The following ZNF318 variants were observed in gnomAD, a reference collection of about 807,000 sequenced individuals.
ZNF318 encodes endocrine regulator.
Under a neutral mutation model 124.2 loss-of-function variants are expected in ZNF318, and 51 were observed. The ratio of observed to expected loss-of-function variants is 0.41; its 90% CI spans 0.33 to 0.52. The LOEUF (loss-of-function observed/expected upper bound fraction) is 0.52. Ranked by LOEUF, ZNF318 falls within the 20% of genes least tolerant of loss-of-function variation. The pLI is 0.23. For missense variants in ZNF318, 2,815 were observed against 2,811.2 expected (o/e 1.00, Z -0.03); for synonymous variants, 1,090 against 1,040.7 (o/e 1.05, Z -0.91).
chr6:43,339,079 C>T lies in ZNF318; in HGVS notation c.4919G>A (p.Ser1640Asn), dbSNP rs182370823. 2.5e-4 allele frequency: 398 copies of T among 1,614,190 alleles called. 6 individuals are homozygous for T. The Admixed American group carries it at 6.2e-3, about 25-fold the overall frequency. Residue 1640 changes from serine (S) to asparagine (N), a missense_variant, in exon 10 of 10, where the codon AGC becomes AAC. Ser to Asn is a conservative substitution (Grantham distance 46, BLOSUM62 1). Coordinates refer to ENST00000361428, the MANE Select transcript of ZNF318 (RefSeq NM_014345.3). The surrounding 1 kb of genome is among the most constrained non-coding windows in gnomAD (Gnocchi z 4.2). ...TTTTGCAATGGGCTTTTCAGAGTTG[C>T]TAACTATAGGAGCAGCGACCAAACC... Reference protein sequence around the residue: ...DEGLVAAPIVSNSEKPIAKTL... With the variant: ...DEGLVAAPIVNNSEKPIAKTL...
Position 43,357,307 on chromosome 6 carries a change from C to A in ZNF318, c.1007G>T (p.Ser336Ile). Residue 336 changes from serine to isoleucine, a missense_variant, in exon 3 of 10, where the codon AGT becomes ATT. Coordinates refer to ENST00000361428, the MANE Select transcript of ZNF318 (RefSeq NM_014345.3). ...EEEEERSRSLSQELVGVDGGG... is the reference protein window; with the variant it reads ...EEEEERSRSLIQELVGVDGGG... ...ACCATCAACTCCAACCAGCTCCTGA[C>A]TCAAGCTCCTACTTCGCTCCTCCTC... 3 of 1,614,210 alleles carry A rather than the reference C, an allele frequency of 1.9e-6. No homozygotes were observed. The highest frequency in any genetic ancestry group is 2.5e-6 in the Non-Finnish European group (3 of 1,180,020).
Position 43,338,666 on chromosome 6 carries a change from T to C in ZNF318, c.5332A>G (p.Asn1778Asp), listed in dbSNP as rs1487181193. The change falls in exon 10 of 10, where the codon AAC (asparagine) becomes GAC (aspartate). Residue 1778 changes from asparagine to aspartate, a missense_variant. Asn to Asp is a conservative substitution (Grantham distance 23, BLOSUM62 1). Coordinates refer to ENST00000361428, the MANE Select transcript of ZNF318 (RefSeq NM_014345.3). ...EDCRESEIET[N>D]TELKERVKEL... ...TTTACCCTTTCTTTTAGTTCAGTGT[T>C]TGTCTCTATCTCACTTTCTCTACAA... 6.2e-7 allele frequency: 1 copy of C among 1,614,076 alleles called. No individual in the cohort carries two copies. The highest frequency in any genetic ancestry group is 8.5e-7 in the Non-Finnish European group (1 of 1,180,040).
chr6:43,369,136 C>T lies in ZNF318; in HGVS notation c.230G>A (p.Arg77His). 8.1e-7 allele frequency: 1 copy of T among 1,228,486 alleles called. No homozygotes were observed. The highest frequency in any genetic ancestry group is 1.0e-6 in the Non-Finnish European group (1 of 985,874). The allele number at this position is 1,228,486 out of a possible 1,614,324, so 76.1% of individuals were successfully genotyped here. Residue 77 changes from arginine (R) to histidine (H), a missense_variant, in exon 1 of 10, where the codon CGC becomes CAC. Arg to His is a conservative substitution (Grantham distance 29). Coordinates refer to ENST00000361428, the MANE Select transcript of ZNF318 (RefSeq NM_014345.3). ...RASPSPPRGRRVSPSPPRARR... is the reference protein window; with the variant it reads ...RASPSPPRGRHVSPSPPRARR... ...GGCCCGAGGCGGGGACGGGGAGACGCGACGACCCCGTGGCGGGGACGGCGA... is the reference window on the plus strand; with the variant it reads ...GGCCCGAGGCGGGGACGGGGAGACGTGACGACCCCGTGGCGGGGACGGCGA...
intron 6 of ZNF318, among the ~76,000 whole-genome samples, chr6:43,343,966 C>A (rs1042925390): frequency 2.0e-4 from 31 of 151,834 alleles, no homozygotes; most frequent in African/African-American, 6.8e-4. Context: ...TGGAACAAGG[C>A]ACTCAGGAAA....
At chr6:43,350,681 G>C (rs543066089) in intron 5 of ZNF318, among the ~76,000 whole-genome samples, 296 of 152,190 alleles carry the variant, frequency 1.9e-3, no homozygotes, top group African/African-American at 6.5e-3. Flanking sequence ...AAATTAGCCA[G>C]GCGTGGTGGC....
intron 2 of ZNF318, among the ~76,000 whole-genome samples, chr6:43,359,089 C>T (rs932880732): frequency 6.6e-6 from 1 of 152,162 alleles, no homozygotes; most frequent in African/African-American, 2.4e-5. Flanking sequence ...ATCTAATTAG[C>T]ATGATTTTCT....
intron 5 of ZNF318, 118 bp downstream of exon 5, chr6:43,352,259 T>TTCTTTGCACTATTATTGCAAC (rs1779540289): frequency 1.0e-4 from 38 of 370,344 alleles, no homozygotes; most frequent in Admixed American, 2.7e-4. Context: ...GTAAGTTTAA[T>TTCTTTGCACTATTATTGCAAC]TACGTCAAAA....
rs754381970 is a variant in ZNF318 at position 43,339,082 on chromosome 6, A to T, written c.4916T>A (p.Val1639Asp). Residue 1639 changes from valine to aspartate, a missense_variant, in exon 10 of 10, where the codon GTT becomes GAT. Coordinates refer to ENST00000361428, the MANE Select transcript of ZNF318 (RefSeq NM_014345.3). This position sits in a 1 kb window ranked among gnomAD's most constrained non-coding sequence, Gnocchi z 4.2. ...QDEGLVAAPI[V>D]SNSEKPIAKT... Reference sequence around the variant, plus strand: ...TGCAATGGGCTTTTCAGAGTTGCTAACTATAGGAGCAGCGACCAAACCCTC... The same window carrying T: ...TGCAATGGGCTTTTCAGAGTTGCTATCTATAGGAGCAGCGACCAAACCCTC... 2 of 1,614,170 alleles carry T rather than the reference A, an allele frequency of 1.2e-6. No individual in the cohort carries two copies. The highest frequency in any genetic ancestry group is 2.2e-5 in the South Asian group (2 of 91,088).
chr6:43,349,838 C>T (rs1332623636), intron 5 of ZNF318, among the ~76,000 whole-genome samples: 1 of 151,940 alleles, frequency 6.6e-6, no homozygotes, highest in African/African-American at 2.4e-5. Context: ...AATCCCAGTG[C>T]TTTGGGAGGC....
chr6:43,352,537 T>C (rs1386039203), intron 4 of ZNF318, 61 bp from the exon 5 acceptor site: 1 of 1,475,444 alleles, frequency 6.8e-7, no homozygotes, highest in African/African-American at 1.4e-5. Flanking sequence ...TCTATTTCTC[T>C]CTTCCAGAAG....
At chr6:43,347,134 G>A (rs1273723207) in intron 6 of ZNF318, among the ~76,000 whole-genome samples, 2 of 152,184 alleles carry the variant, frequency 1.3e-5, no homozygotes, top group East Asian at 1.9e-4. Flanking sequence ...TAGAAGAGTA[G>A]ATAAGGAAAG....
Position 43,338,164 on chromosome 6 carries a change from G to C in ZNF318, c.5834C>G (p.Ser1945Ter), listed in dbSNP as rs1435315171. The C allele has an allele frequency of 6.2e-7, 1 of 1,613,890 alleles. No homozygotes were observed. The highest frequency in any genetic ancestry group is 8.5e-7 in the Non-Finnish European group (1 of 1,179,978). The change falls in exon 10 of 10, where the codon TCA (serine) becomes TGA (stop). Residue 1945 changes from serine to a stop codon, truncating the protein, a stop_gained. Transcript: ENST00000361428. LOFTEE classifies it low-confidence loss of function (END_TRUNC). ...GATCTTTTTAACTTGAAAGTCTTTT[G>C]ATCTTTCTCTCTTGAGTTTGAGACT... is the stretch of plus-strand genomic sequence containing the variant. Reference protein sequence around the residue: ...YRSLKLKRERSKDFQVKKIYE... With the variant: ...YRSLKLKRER
At position 43,337,894 on chromosome 6, in the gene ZNF318, G is replaced by A. The variant is rs749790960; in HGVS notation, c.6104C>T (p.Ser2035Phe). Residue 2035 changes from serine (S) to phenylalanine (F), a missense_variant, in exon 10 of 10, where the codon TCC becomes TTC. Around this residue, in one of 4 missense-constraint regions of ZNF318, gnomAD observed 927 missense variants for 820.6 expected, o/e 1.13. Coordinates refer to ENST00000361428, the MANE Select transcript of ZNF318 (RefSeq NM_014345.3). ...CACTTTCTGACACAAGACAGTTGGG[G>A]ATCTATGTGCTGGGCTTACCCGAGT... ...CTTRVSPAHR[S>F]PTVLCQKVCE... The A allele has an allele frequency of 1.8e-5, 29 of 1,614,210 alleles. No homozygotes were observed. Among genetic ancestry groups the A allele is most frequent in the Non-Finnish European group, 2.3e-5 (27 of 1,180,048 alleles).
intron 2 of ZNF318, chr6:43,363,871 G>A (rs766326706): frequency 4.9e-5 from 37 of 750,258 alleles, no homozygotes; most frequent in African/African-American, 2.9e-4. Context: ...TGCCACCTGC[G>A]GGGCCATCAT....
At chr6:43,360,757 T>C (rs1185001860) in intron 2 of ZNF318, among the ~76,000 whole-genome samples, 17 of 151,948 alleles carry the variant, frequency 1.1e-4, no homozygotes, top group African/African-American at 4.1e-4. Flanking sequence ...TAAAATATTA[T>C]CAGCAATAAA....
In ZNF318 at chr6:43,368,981, C is replaced by G. The variant is rs975937552; in HGVS notation, c.385G>C (p.Asp129His). Residue 129 changes from aspartate to histidine, a missense_variant, in exon 1 of 10, where the codon GAC becomes CAC. By Grantham distance (81) the Asp-to-His change is moderately conservative. This residue lies in a region of ZNF318 where 1,377 missense variants were observed against 1,353.5 expected (regional missense o/e 1.02). Transcript: ENST00000361428. ...ARDGRGDHPG[D>H]SGSRRRSPGL... is the part of the protein sequence containing the mutation. The stretch of plus-strand genomic sequence containing the variant: ...GGTGGGATTACCCGGCTGCCGCTGT[C>G]GCCTGGATGGTCTCCGCGGCCGTCC... 1 of 1,430,164 alleles carries G rather than the reference C, an allele frequency of 7.0e-7. No homozygotes were observed. The highest frequency in any genetic ancestry group is 2.5e-5 in the Admixed American group (1 of 39,482). 88.6% of individuals were successfully genotyped at this position (1,430,164 alleles called of 1,614,324 possible). A position where few individuals can be genotyped will look rare whatever the true frequency, so the allele number is the denominator to read the frequency against.
intron 2 of ZNF318, among the ~76,000 whole-genome samples, chr6:43,358,568 G>A (rs1779642822): frequency 6.9e-6 from 1 of 145,976 alleles, no homozygotes; most frequent in Admixed American, 6.8e-5. Flanking sequence ...AGCCTGTTTT[G>A]TTTAAGACAG....
At chr6:43,340,578 G>C in intron 9 of ZNF318, 76 bp from the exon 10 acceptor site, 1 of 1,497,932 alleles carries the variant, frequency 6.7e-7, no homozygotes, top group East Asian at 2.4e-5. Context: ...GCTACTGTTA[G>C]AATTCATTTA....
intron 1 of ZNF318, chr6:43,368,596 G>C (rs756013955): frequency 9.7e-5 from 87 of 900,800 alleles, no homozygotes; most frequent in Non-Finnish European, 1.1e-4. Context: ...GGCAGCTCAG[G>C]TGTAAGGGGA....
Sources: gnomAD v4.1 joint callset for allele counts (sites outside exome capture counted in the v4.1 genomes callset) on GRCh38, gnomAD v4.1.1 for gene constraint, gnomAD v4.1.1 regional missense constraint, Gnocchi (gnomAD v3.1) non-coding constraint, MANE v1.5 for transcripts, NCBI Gene and HGNC (gene_info 2026-07-23, HGNC 2026-07-21) for gene names.